FGF18: variants seen among roughly 807,000 people sequenced by gnomAD.
The protein encoded by FGF18 is fibroblast growth factor 18.
In FGF18, 5 loss-of-function variants were observed where a neutral mutation model predicts 23.0. That is an observed-to-expected ratio of 0.22 (90% confidence interval 0.11 to 0.46). The LOEUF is 0.46. FGF18 is among the 20% of genes least tolerant of loss of function. The pLI is 0.99. For missense variants in FGF18, 180 were observed against 291.6 expected, an observed-to-expected ratio of 0.62 and a Z score of 2.79; for synonymous variants, 117 against 118.9, an observed-to-expected ratio of 0.98 and a Z score of 0.10.
At position 171,451,537 on chromosome 5, in the gene FGF18, C is replaced by T. The variant is rs912335676; in HGVS notation, c.357+2284C>T. ...CCATCCCGGAAATCGTTGCCCCAGC[C>T]GCCTGGCGTGTGGCTTCTGCATCTC... On this transcript the variant is annotated intron_variant, in intron 4 of 4. Coordinates refer to ENST00000274625, the MANE Select transcript of FGF18 (RefSeq NM_003862.3). This position sits in a 1 kb window ranked among gnomAD's most constrained non-coding sequence, Gnocchi z 4.5. Among the ~76,000 whole-genome samples, 2 of 152,186 alleles carry T rather than the reference C, an allele frequency of 1.3e-5. No individual in the cohort carries two copies. The highest frequency in any genetic ancestry group is 4.8e-5 in the African/African-American group (2 of 41,452).
At chr5:171,455,077 T>G (rs183416135) in intron 4 of FGF18, among the ~76,000 whole-genome samples, 1 of 152,284 alleles carries the variant, frequency 6.6e-6, no homozygotes, top group East Asian at 1.9e-4. Context: ...ATTGTTCCCA[T>G]TAGGTAGGTG....
At chr5:171,422,202 G>A (rs1368534876) in intron 2 of FGF18, among the ~76,000 whole-genome samples, 2 of 152,064 alleles carry the variant, frequency 1.3e-5, no homozygotes, top group Non-Finnish European at 1.5e-5. Flanking sequence ...GAGGGAGGGA[G>A]TGTGGACTCT....
At chr5:171,439,811 C>G (rs1033980231) in intron 3 of FGF18, among the ~76,000 whole-genome samples, 21 of 152,096 alleles carry the variant, frequency 1.4e-4, no homozygotes, top group African/African-American at 4.8e-4. Flanking sequence ...TCCGGGGCAA[C>G]TCTGCTTTTA....
At chr5:171,442,332 A>G (rs1772359296) in intron 3 of FGF18, among the ~76,000 whole-genome samples, 1 of 151,750 alleles carries the variant, frequency 6.6e-6, no homozygotes, top group African/African-American at 2.4e-5. Context: ...CTCCATTGCC[A>G]CCTCTCTCTC....
chr5:171,429,674 G>GA, intron 2 of FGF18, among the ~76,000 whole-genome samples: 1 of 152,374 alleles, frequency 6.6e-6, no homozygotes, highest in East Asian at 1.9e-4. Flanking sequence ...GGACCAGGGA[G>GA]ACCCTCCCTT....
rs1010680996 is a variant in FGF18 at position 171,457,323 on chromosome 5, G to A, written c.*518G>A. ...TTTATTGTCCGCTGCAAGCTGCCCC[G>A]AGACACCGCGCAGGGAAGGCGTGCC... On this transcript the variant is annotated 3_prime_UTR_variant, in exon 5 of 5. Coordinates refer to ENST00000274625, the MANE Select transcript of FGF18 (RefSeq NM_003862.3). The A allele has an allele frequency of 4.5e-5, 7 of 153,914 alleles. No homozygotes were observed. The highest frequency in any genetic ancestry group is 2.6e-4 in the Admixed American group (4 of 15,680). 9.5% of individuals were successfully genotyped at this position (153,914 alleles called of 1,614,324 possible). A position where few individuals can be genotyped will look rare whatever the true frequency, so the allele number is the denominator to read the frequency against.
At chr5:171,445,612 C>T (rs994165341) in intron 3 of FGF18, among the ~76,000 whole-genome samples, 1 of 151,156 alleles carries the variant, frequency 6.6e-6, no homozygotes, top group African/African-American at 2.5e-5. Context: ...GTGATCCACC[C>T]GCCTTGGCCT....
At chr5:171,437,897 G>A (rs1772275901) in intron 3 of FGF18, among the ~76,000 whole-genome samples, 1 of 152,148 alleles carries the variant, frequency 6.6e-6, no homozygotes, top group Admixed American at 6.5e-5. Flanking sequence ...ACAGGAGGCG[G>A]GAGCTCGAGA....
rs1393762294 is a variant in FGF18, at chr5:171,451,074, G to A, written c.357+1821G>A. Among the ~76,000 whole-genome samples the A allele has an allele frequency of 1.0e-5, 1 of 98,672 alleles. No individual in the cohort carries two copies. The allele number at this position is 98,672 out of a possible 152,430, so 64.7% of individuals were successfully genotyped here. ...CCGCCCCCCCACCCCGCCGCCGGCC[G>A]CCTCCCGCCCGCGGGCGAGCCGCTG... On this transcript the variant is annotated intron_variant, in intron 4 of 4. Coordinates refer to ENST00000274625, the MANE Select transcript of FGF18 (RefSeq NM_003862.3). This position sits in a 1 kb window ranked among gnomAD's most constrained non-coding sequence, Gnocchi z 4.5.
At chr5:171,439,450 G>A (rs1772301955) in intron 3 of FGF18, among the ~76,000 whole-genome samples, 1 of 152,182 alleles carries the variant, frequency 6.6e-6, no homozygotes, top group Non-Finnish European at 1.5e-5. Context: ...TGGGGGAGGG[G>A]CACCCTGCCC....
At position 171,434,932 on chromosome 5, in the gene FGF18, C is replaced by T. The variant is rs1319808026; in HGVS notation, c.70-1161C>T. On this transcript the variant is annotated intron_variant, in intron 2 of 4. Coordinates refer to ENST00000274625, the MANE Select transcript of FGF18 (RefSeq NM_003862.3). The surrounding 1 kb of genome is among the most constrained non-coding windows in gnomAD (Gnocchi z 4.6). ...GGGAGAGTGTCAGAGCTGGAGGTGG[C>T]TTCAGAAAGGGGTCCAGGAAGGCCT... Among the ~76,000 whole-genome samples, 1 of 151,520 alleles carries T rather than the reference C, an allele frequency of 6.6e-6. No homozygotes were observed. The highest frequency in any genetic ancestry group is 1.9e-4 in the East Asian group (1 of 5,150).
At chr5:171,423,414 G>T (rs565004009) in intron 2 of FGF18, among the ~76,000 whole-genome samples, 7 of 152,164 alleles carry the variant, frequency 4.6e-5, no homozygotes, top group African/African-American at 1.2e-4. Context: ...CACGCAGCTC[G>T]GCCGGCACCT....
chr5:171,449,380 TGTGTGTGTGTGTGTGTGTGTGAGA>T (rs888883202), intron 4 of FGF18, 127 bp downstream of exon 4: 13 of 489,824 alleles, frequency 2.7e-5, no homozygotes, highest in African/African-American at 2.6e-4. Context: ...TGTGTGTGTG[TGTGTGTGTGTGTGTGTGTGTGAGA>T]GAGAGAGAGA....
At chr5:171,448,742 T>G (rs1028792745) in intron 3 of FGF18, among the ~76,000 whole-genome samples, 5 of 151,598 alleles carry the variant, frequency 3.3e-5, no homozygotes, top group Admixed American at 6.6e-5. Context: ...GGGAAATGGG[T>G]TTTTTGCACG....
In FGF18 at chr5:171,456,508, T is replaced by A. The variant is rs780970429; in HGVS notation, c.358-31T>A. The stretch of plus-strand genomic sequence containing the variant: ...TGGCAAGCATAACTGAGTCATTTTT[T>A]TCTTGAACACTCCCCCTCTCTCCCC... On this transcript the variant is annotated intron_variant, in intron 4 of 4. Coordinates refer to ENST00000274625, the MANE Select transcript of FGF18 (RefSeq NM_003862.3). This position sits in a 1 kb window ranked among gnomAD's most constrained non-coding sequence, Gnocchi z 6.1. 2 of 1,598,056 alleles carry A rather than the reference T, an allele frequency of 1.3e-6. No individual in the cohort carries two copies. The highest frequency in any genetic ancestry group is 4.5e-5 in the East Asian group (2 of 44,618).
chr5:171,424,672 G>A (rs1386980143), intron 2 of FGF18, among the ~76,000 whole-genome samples: 1 of 152,202 alleles, frequency 6.6e-6, no homozygotes, highest in Non-Finnish European at 1.5e-5. Context: ...GTATAAGGGG[G>A]ATGTTGAGAG....
chr5:171,443,879 G>A (rs1382983237), intron 3 of FGF18, among the ~76,000 whole-genome samples: 1 of 151,700 alleles, frequency 6.6e-6, no homozygotes, highest in Non-Finnish European at 1.5e-5. Context: ...TGCTCTGTGC[G>A]GAGCCCTGGG....
chr5:171,456,857 A>C lies in FGF18; in HGVS notation c.*52A>C. 1 of 1,545,418 alleles carries C rather than the reference A, an allele frequency of 6.5e-7. No individual in the cohort carries two copies. Among genetic ancestry groups the C allele is most frequent in the South Asian group, 1.2e-5 (1 of 82,496 alleles). On this transcript the variant is annotated 3_prime_UTR_variant, in exon 5 of 5. Transcript: ENST00000274625. The surrounding 1 kb of genome is among the most constrained non-coding windows in gnomAD (Gnocchi z 6.1). ...GCCCTGGCCACACTCACACTCCCAG[A>C]AAACTGCATCAGAGGAATATTTTTA...
Position 171,423,091 on chromosome 5 carries a change from T to C in FGF18, c.69+2648T>C, listed in dbSNP as rs1772040839. Among the ~76,000 whole-genome samples, 7 of 152,290 alleles carry C rather than the reference T, an allele frequency of 4.6e-5. No homozygotes were observed. In the South Asian group the frequency reaches 1.2e-3, roughly 27 times the overall value. On this transcript the variant is annotated intron_variant, in intron 2 of 4. Coordinates refer to ENST00000274625, the MANE Select transcript of FGF18 (RefSeq NM_003862.3). ...GTGGAGTTTCTGGGCCCCTCCTTTC[T>C]TCCTGTCCATCGCTACCGGGCTCAG...
Sources: gnomAD v4.1 joint callset for allele counts (sites outside exome capture counted in the v4.1 genomes callset) on GRCh38, gnomAD v4.1.1 for gene constraint, Gnocchi (gnomAD v3.1) non-coding constraint, MANE v1.5 for transcripts, NCBI Gene and HGNC (gene_info 2026-07-23, HGNC 2026-07-21) for gene names.